Variants in RETREG3 observed in about 807,000 individuals in gnomAD.
The protein encoded by RETREG3 is reticulophagy regulator family member 3, also known as reticulophagy regulator 3.
In RETREG3, 23 loss-of-function variants were observed where a neutral mutation model predicts 50.2. That is an observed-to-expected ratio of 0.46 (90% CI 0.33 to 0.65). The LOEUF is 0.65. Ranked by LOEUF, RETREG3 falls within the 30% of genes least tolerant of loss-of-function variation. The pLI is 0.02. For missense variants in RETREG3, 546 were observed against 598.0 expected (o/e 0.91, Z 0.91); for synonymous variants, 240 against 234.4 (o/e 1.02, Z -0.22).
intron 1 of RETREG3, among the ~76,000 whole-genome samples, chr17:42,594,061 C>T (rs746169996): frequency 2.0e-5 from 3 of 152,206 alleles, no homozygotes; most frequent in East Asian, 3.9e-4. Flanking sequence ...AGCATGGTGG[C>T]GCGCTTGCGG....
intron 1 of RETREG3, among the ~76,000 whole-genome samples, chr17:42,604,288 C>T (rs556037291): frequency 1.3e-5 from 2 of 152,202 alleles, no homozygotes; most frequent in South Asian, 4.1e-4. Context: ...CAGATCCCAA[C>T]AGAGATCTCT....
intron 1 of RETREG3, among the ~76,000 whole-genome samples, chr17:42,593,580 G>A (rs570431408): frequency 5.3e-4 from 80 of 150,942 alleles, no homozygotes; most frequent in East Asian, 1.9e-4. Flanking sequence ...CCTGGGAGGC[G>A]GAGCTTGCAG....
chr17:42,589,581 ACAC>A (rs2093128341), intron 2 of RETREG3, among the ~76,000 whole-genome samples: 2 of 152,144 alleles, frequency 1.3e-5, no homozygotes, highest in Admixed American at 1.3e-4. Context: ...CCACAGGTGC[ACAC>A]CACCATGCCT....
rs753168256 is a variant in RETREG3 at position 42,582,189 on chromosome 17, C to G, written c.1025G>C (p.Gly342Ala). Residue 342 changes from glycine (G) to alanine (A), a missense_variant, in exon 9 of 9, where the codon GGC becomes GCC. Coordinates refer to ENST00000309428, the MANE Select transcript of RETREG3 (RefSeq NM_178126.4). ...GCTAGTGTCGTCCTCATCATCCAGG[C>G]CAGCAGGATCCATATTAATGGAAGG... ...DFPSINMDPA[G>A]LDDEDDTSIG... 1 of 1,613,738 alleles carries G rather than the reference C, an allele frequency of 6.2e-7. No homozygotes were observed. Among genetic ancestry groups the G allele is most frequent in the Admixed American group, 1.7e-5 (1 of 59,998 alleles).
chr17:42,590,461 TG>T (rs1002970871), intron 2 of RETREG3, among the ~76,000 whole-genome samples: 1 of 150,528 alleles, frequency 6.6e-6, no homozygotes, highest in African/African-American at 2.4e-5. Context: ...CATCTGAGGT[TG>T]GGAGTTCAAG....
chr17:42,597,454 T>A (rs2093147561), intron 1 of RETREG3, among the ~76,000 whole-genome samples: 1 of 148,656 alleles, frequency 6.7e-6, no homozygotes, highest in Non-Finnish European at 1.5e-5. Flanking sequence ...CCCAAAGTGC[T>A]GGGATTACAG....
chr17:42,586,299 G>A (rs2093121159), intron 4 of RETREG3, 162 bp from the exon 5 acceptor site: 2 of 642,900 alleles, frequency 3.1e-6, no homozygotes, highest in African/African-American at 1.8e-5. Context: ...AAGAAAAGGA[G>A]CATGTCCCCT....
intron 2 of RETREG3, among the ~76,000 whole-genome samples, chr17:42,590,535 G>C (rs569031200): frequency 6.6e-6 from 1 of 152,206 alleles, no homozygotes; most frequent in South Asian, 2.1e-4. Context: ...AGCTGGACAT[G>C]GTGGCAAGTG....
intron 3 of RETREG3, 179 bp from the exon 4 acceptor site, chr17:42,587,070 T>C (rs1042238235): frequency 5.0e-6 from 4 of 803,524 alleles, no homozygotes; most frequent in Non-Finnish European, 7.6e-6. Context: ...TGAATTTAGG[T>C]ACAAGGAGGA....
At chr17:42,592,506 C>T (rs1001877349) in intron 1 of RETREG3, among the ~76,000 whole-genome samples, 1 of 152,154 alleles carries the variant, frequency 6.6e-6, no homozygotes, top group Non-Finnish European at 1.5e-5. Context: ...CATCTTTCTA[C>T]CAAATTAGAC....
chr17:42,589,836 A>C (rs1482194217), intron 2 of RETREG3, among the ~76,000 whole-genome samples: 1 of 152,218 alleles, frequency 6.6e-6, no homozygotes, highest in African/African-American at 2.4e-5. Flanking sequence ...AGACACTGCC[A>C]CAGTCTCCTA....
chr17:42,585,992 G>A (rs1490321966), intron 5 of RETREG3, 61 bp downstream of exon 5: 2 of 1,481,382 alleles, frequency 1.4e-6, no homozygotes, highest in Non-Finnish European at 1.9e-6. Flanking sequence ...CCTAGAGTTA[G>A]CCATAGTTGG....
chr17:42,590,554 C>A (rs1259026759), intron 2 of RETREG3, among the ~76,000 whole-genome samples: 1 of 152,026 alleles, frequency 6.6e-6, no homozygotes, highest in African/African-American at 2.4e-5. Flanking sequence ...TGCCTATAGT[C>A]CCAGCTGCTC....
chr17:42,602,778 C>A (rs1567927091), intron 1 of RETREG3, among the ~76,000 whole-genome samples: 1 of 151,992 alleles, frequency 6.6e-6, no homozygotes, highest in Non-Finnish European at 1.5e-5. Flanking sequence ...CTTGTTTCTA[C>A]GAAAAATACA....
chr17:42,604,694 CAAAAAAA>C (rs1007735904), intron 1 of RETREG3, among the ~76,000 whole-genome samples: 44 of 44,514 alleles, frequency 9.9e-4, no homozygotes, highest in African/African-American at 3.3e-3. Context: ...GATTCCCCAG[CAAAAAAA>C]AAAAAAAAAA....
intron 3 of RETREG3, 146 bp downstream of exon 3, chr17:42,587,688 T>A: frequency 5.5e-6 from 5 of 908,348 alleles, no homozygotes. Flanking sequence ...GCCTGAACTT[T>A]AGGATGTGTT....
At chr17:42,597,611 ATATATATATTTTTTTTTTT>A (rs1282067476) in intron 1 of RETREG3, among the ~76,000 whole-genome samples, 351 of 34,472 alleles carry the variant, frequency 0.01, 22 homozygotes, top group African/African-American at 0.045. Context: ...ATATATATAT[ATATATATATTTTTTTTTTT>A]TTTTTTTTTT....
chr17:42,603,447 C>T (rs996169226), intron 1 of RETREG3, among the ~76,000 whole-genome samples: 1 of 152,082 alleles, frequency 6.6e-6, no homozygotes, highest in Non-Finnish European at 1.5e-5. Flanking sequence ...GAAAAATTAA[C>T]CCAACCTATA....
At position 42,609,109 on chromosome 17, in the gene RETREG3, G is replaced by C; in HGVS notation, c.216C>G (p.Cys72Trp). The C allele has an allele frequency of 6.2e-7, 1 of 1,607,676 alleles. No homozygotes were observed. The highest frequency in any genetic ancestry group is 8.5e-7 in the Non-Finnish European group (1 of 1,179,830). ...WERPARSALW[C>W]LGLNAAFWFF... ...ACCAGAAAGCCGCGTTCAGCCCCAG[G>C]CACCACAGAGCGCTCCTAGCTGGCC... Residue 72 changes from cysteine (C) to tryptophan (W), a missense_variant, in exon 1 of 9, where the codon TGC becomes TGG. By Grantham distance (215) the Cys-to-Trp change is radical. Transcript: ENST00000309428.
Sources: allele counts gnomAD v4.1 joint callset (sites outside exome capture counted in the v4.1 genomes callset), GRCh38; gene constraint gnomAD v4.1.1; transcripts MANE v1.5; gene names NCBI Gene and HGNC (gene_info 2026-07-23, HGNC 2026-07-21).